Variants in GALNT13 observed in about 807,000 individuals in gnomAD.
GALNT13 encodes polypeptide N-acetylgalactosaminyltransferase 13.
Under a neutral mutation model 64.2 loss-of-function variants are expected in GALNT13, and 28 were observed. The ratio of observed to expected loss-of-function variants is 0.44; its 90% CI spans 0.32 to 0.60. GALNT13 has a LOEUF of 0.60. GALNT13 is among the 20% of genes least tolerant of loss of function. The probability of loss-of-function intolerance (pLI) is 0.05; values close to 1 mark genes in which losing one functional copy is unlikely to be tolerated. For missense variants in GALNT13, 577 were observed against 669.8 expected (o/e 0.86, Z 1.53); for synonymous variants, 214 against 224.6 (o/e 0.95, Z 0.42).
chr2:154,252,363 T>TTA (rs1559049470), intron 7 of GALNT13, among the ~76,000 whole-genome samples: 2 of 148,530 alleles, frequency 1.3e-5, no homozygotes, highest in Admixed American at 6.7e-5. Flanking sequence ...TATTATTATT[T>TTA]TTTTTTTTTT....
the GALNT13 span, among the ~76,000 whole-genome samples, chr2:153,369,437 A>G: frequency 6.6e-6 from 1 of 152,188 alleles, no homozygotes. Context: ...AATAAGAGAG[A>G]ACACATGAAT....
chr2:154,260,786 G>C (rs771561843), intron 8 of GALNT13, among the ~76,000 whole-genome samples: 3 of 152,170 alleles, frequency 2.0e-5, no homozygotes, highest in Non-Finnish European at 2.9e-5. Context: ...ATTCTTAGAA[G>C]TAATAATGAG....
chr2:154,364,076 C>G (rs1697228048), intron 9 of GALNT13, among the ~76,000 whole-genome samples: 1 of 152,020 alleles, frequency 6.6e-6, no homozygotes. Context: ...GAGAAGTATA[C>G]TATATTGACC....
the GALNT13 span, among the ~76,000 whole-genome samples, chr2:153,638,020 C>A: frequency 8.6e-5 from 13 of 150,592 alleles, no homozygotes; most frequent in Admixed American, 1.3e-4. Flanking sequence ...TGTAGGTGGA[C>A]AAGGAGGTCT....
chr2:153,205,442 A>T, the GALNT13 span, among the ~76,000 whole-genome samples: 8,687 of 152,174 alleles, frequency 0.057, 322 homozygotes, highest in South Asian at 0.089. Context: ...TGCCTGGTAG[A>T]TTATGCTCAA....
chr2:153,810,090 A>C, the GALNT13 span, among the ~76,000 whole-genome samples: 4 of 152,100 alleles, frequency 2.6e-5, no homozygotes, highest in African/African-American at 9.7e-5. Flanking sequence ...CCTCTCGAGT[A>C]GCTGGGACTG....
intron 9 of GALNT13, among the ~76,000 whole-genome samples, chr2:154,353,446 T>C (rs1009834427): frequency 6.6e-6 from 1 of 152,162 alleles, no homozygotes; most frequent in East Asian, 1.9e-4. Flanking sequence ...AGCTAAAATC[T>C]AGGTATTTAA....
the GALNT13 span, among the ~76,000 whole-genome samples, chr2:153,225,497 A>G: frequency 1.3e-5 from 2 of 152,212 alleles, no homozygotes; most frequent in African/African-American, 2.4e-5. Flanking sequence ...AGCTAATGCA[A>G]TAAGACAAGA....
At chr2:153,688,152 A>G in the GALNT13 span, among the ~76,000 whole-genome samples, 1 of 151,966 alleles carries the variant, frequency 6.6e-6, no homozygotes, top group African/African-American at 2.4e-5. Context: ...TTTTATTGGA[A>G]CATAGCCACA....
At chr2:154,248,145 G>A (rs532432821) in intron 7 of GALNT13, among the ~76,000 whole-genome samples, 8 of 152,174 alleles carry the variant, frequency 5.3e-5, no homozygotes, top group Non-Finnish European at 1.0e-4. Context: ...AGTTATGATA[G>A]AACTTTGTAG....
At chr2:154,192,362 G>A (rs1559016116) in intron 4 of GALNT13, among the ~76,000 whole-genome samples, 1 of 152,148 alleles carries the variant, frequency 6.6e-6, no homozygotes. Context: ...TCCTCACCTA[G>A]GTCTGCGGGT....
chr2:154,386,076 C>T (rs2105341662), intron 9 of GALNT13, among the ~76,000 whole-genome samples: 1 of 151,858 alleles, frequency 6.6e-6, no homozygotes, highest in Middle Eastern at 3.4e-3. Context: ...TTTGTACTGA[C>T]TCTCAATATC....
At chr2:153,079,951 T>C in the GALNT13 span, among the ~76,000 whole-genome samples, 1 of 152,198 alleles carries the variant, frequency 6.6e-6, no homozygotes, top group Non-Finnish European at 1.5e-5. Context: ...AGCATCAGAA[T>C]ATAGAAAATA....
At chr2:153,772,658 G>GA in the GALNT13 span, among the ~76,000 whole-genome samples, 6 of 151,956 alleles carry the variant, frequency 3.9e-5, no homozygotes, top group Admixed American at 6.5e-5. Context: ...CCATCCTGGG[G>GA]AAAAAAAGGT....
the GALNT13 span, among the ~76,000 whole-genome samples, chr2:153,751,199 G>A: frequency 6.6e-6 from 1 of 151,670 alleles, no homozygotes. Context: ...AATTTTTTGT[G>A]TGTTTTAAGA....
At chr2:153,745,325 C>T in the GALNT13 span, among the ~76,000 whole-genome samples, 4 of 152,154 alleles carry the variant, frequency 2.6e-5, no homozygotes, top group African/African-American at 9.7e-5. Flanking sequence ...TCGAGTCCTA[C>T]AGGACTTACG....
chr2:153,548,022 GTAA>G, the GALNT13 span, among the ~76,000 whole-genome samples: 13 of 152,116 alleles, frequency 8.5e-5, no homozygotes, highest in African/African-American at 2.7e-4. Flanking sequence ...TGTATTATTG[GTAA>G]TAATATTATT....
At chr2:154,024,084 C>T (rs1174473315) in intron 3 of GALNT13, among the ~76,000 whole-genome samples, 1 of 152,178 alleles carries the variant, frequency 6.6e-6, no homozygotes, top group African/African-American at 2.4e-5. Flanking sequence ...TGATGGGCTT[C>T]CCTTTGTGGG....
intron 11 of GALNT13, among the ~76,000 whole-genome samples, chr2:154,431,392 A>G (rs986756217): frequency 5.9e-5 from 9 of 152,194 alleles, no homozygotes; most frequent in African/African-American, 1.9e-4. Flanking sequence ...AGAGTATTTT[A>G]AAAGAAGTAA....
Sources: gnomAD v4.1 joint callset for allele counts (sites outside exome capture counted in the v4.1 genomes callset) on GRCh38, gnomAD v4.1.1 for gene constraint, MANE v1.5 for transcripts, NCBI Gene and HGNC (gene_info 2026-07-23, HGNC 2026-07-21) for gene names.